The following CFAP61 variants were observed in gnomAD, a reference collection of about 807,000 sequenced individuals.
The protein encoded by CFAP61 is cilia and flagella associated protein 61.
Under a neutral mutation model 135.6 loss-of-function variants are expected in CFAP61, and 107 were observed. The observed-to-expected ratio is 0.79, with a 90% CI of 0.67 to 0.93. The LOEUF is 0.93. CFAP61 is among the 40% of genes least tolerant of loss of function. CFAP61 has a pLI of 0.00. For missense variants in CFAP61, 1,507 were observed against 1,556.2 expected (o/e 0.97, Z 0.53); for synonymous variants, 575 against 578.5 (o/e 0.99, Z 0.09).
intron 25 of CFAP61, among the ~76,000 whole-genome samples, chr20:20,334,782 C>A (rs1282844687): frequency 2.0e-5 from 3 of 152,110 alleles, no homozygotes; most frequent in South Asian, 2.1e-4. Context: ...TCAAAGCAAT[C>A]AAAAAATTGA....
chr20:20,275,487 C>T (rs997859041), intron 21 of CFAP61, among the ~76,000 whole-genome samples: 14 of 152,178 alleles, frequency 9.2e-5, no homozygotes, highest in African/African-American at 2.9e-4. Flanking sequence ...TGAAAAGTAT[C>T]GTCCTCTCCA....
intron 25 of CFAP61, among the ~76,000 whole-genome samples, chr20:20,308,674 T>C (rs1370812938): frequency 6.6e-6 from 1 of 152,182 alleles, no homozygotes; most frequent in Non-Finnish European, 1.5e-5. Context: ...ACATACTGTC[T>C]TGTTGTCAGA....
chr20:20,129,927 ATTG>A (rs1277786981), intron 8 of CFAP61, among the ~76,000 whole-genome samples: 3 of 151,550 alleles, frequency 2.0e-5, no homozygotes, highest in African/African-American at 7.3e-5. Flanking sequence ...GATTTTTTAA[ATTG>A]TTATTTCAAT....
chr20:20,157,992 C>G (rs1475806259), intron 9 of CFAP61, among the ~76,000 whole-genome samples: 1 of 149,966 alleles, frequency 6.7e-6, no homozygotes, highest in African/African-American at 2.5e-5. Flanking sequence ...ATCGCAAGAA[C>G]AAAAAACCAA....
At chr20:20,197,357 A>T (rs192108475) in intron 16 of CFAP61, among the ~76,000 whole-genome samples, 1 of 152,184 alleles carries the variant, frequency 6.6e-6, no homozygotes, top group African/African-American at 2.4e-5. Flanking sequence ...CATGGTGTGT[A>T]TGTGCATGCA....
intron 25 of CFAP61, among the ~76,000 whole-genome samples, chr20:20,329,735 AC>A (rs2057911069): frequency 6.6e-6 from 1 of 151,722 alleles, no homozygotes; most frequent in African/African-American, 2.4e-5. Flanking sequence ...CAGTCAAACC[AC>A]CTGTCATTCC....
rs144151636 is a variant in CFAP61 at position 20,195,631 on chromosome 20, C to A, written c.1591-939C>A. Among the ~76,000 whole-genome samples the A allele has an allele frequency of 3.3e-5, 5 of 152,278 alleles. No individual in the cohort carries two copies. In the East Asian group the frequency reaches 9.7e-4, roughly 29 times the overall value. On this transcript the variant is annotated intron_variant, in intron 15 of 26. Transcript: ENST00000245957. The stretch of plus-strand genomic sequence containing the variant: ...GAAACGAGCAGTGTGCCTGATATTT[C>A]CTTTACATGGGAAGACACTCATCAG...
At chr20:20,356,139 A>AGGAGGTGGTCACACTGAGG (rs2059144605) in intron 26 of CFAP61, among the ~76,000 whole-genome samples, 2 of 58,698 alleles carry the variant, frequency 3.4e-5, no homozygotes, top group African/African-American at 1.2e-4. Flanking sequence ...TCACACTGAG[A>AGGAGGTGGTCACACTGAGG]GGAGGTGGTC....
At chr20:20,193,707 G>A (rs1366353654) in intron 15 of CFAP61, among the ~76,000 whole-genome samples, 8 of 151,978 alleles carry the variant, frequency 5.3e-5, no homozygotes, top group Non-Finnish European at 8.8e-5. Flanking sequence ...TCTGCCTCCC[G>A]GGTTCAAGCG....
intron 2 of CFAP61, among the ~76,000 whole-genome samples, chr20:20,057,231 C>T (rs2044427232): frequency 6.6e-6 from 1 of 151,692 alleles, no homozygotes; most frequent in Admixed American, 6.6e-5. Flanking sequence ...TAGCTTACTG[C>T]ACAGTGAAAA....
In CFAP61 at chr20:20,343,207, C is replaced by T. The variant is rs575309812; in HGVS notation, c.3513+1286C>T. ...ATGGTAACACAGCAAGCTTCACACTCCGGGGTGTCTCACCCCAAAGCTGGG... is the reference window on the plus strand; with the variant it reads ...ATGGTAACACAGCAAGCTTCACACTTCGGGGTGTCTCACCCCAAAGCTGGG... On this transcript the variant is annotated intron_variant, in intron 26 of 26. Transcript: ENST00000245957. Among the ~76,000 whole-genome samples the T allele has an allele frequency of 4.6e-5, 7 of 152,334 alleles. No homozygotes were observed. The South Asian group carries it at 1.5e-3, about 32-fold the overall frequency.
intron 19 of CFAP61, among the ~76,000 whole-genome samples, chr20:20,249,983 A>T (rs993155311): frequency 6.6e-6 from 1 of 152,182 alleles, no homozygotes; most frequent in African/African-American, 2.4e-5. Context: ...ATTTCCTCTC[A>T]CTATCCATTA....
chr20:20,063,680 C>T lies in CFAP61; in HGVS notation c.143+6884C>T, dbSNP rs1050991761. On this transcript the variant is annotated intron_variant, in intron 2 of 26. Transcript: ENST00000245957. ...TATAGTAAATGAGGATGCCTGTTGT[C>T]ATGAGATCCTAGCTATTGCAGTAAG... Among the ~76,000 whole-genome samples, 5 of 152,128 alleles carry T rather than the reference C, an allele frequency of 3.3e-5. No homozygotes were observed. In the South Asian group the frequency reaches 6.2e-4, roughly 19 times the overall value.
intron 25 of CFAP61, among the ~76,000 whole-genome samples, chr20:20,334,780 A>G (rs977579295): frequency 6.6e-6 from 1 of 152,220 alleles, no homozygotes; most frequent in Admixed American, 6.5e-5. Flanking sequence ...CCTCAAAGCA[A>G]TCAAAAAATT....
intron 26 of CFAP61, among the ~76,000 whole-genome samples, chr20:20,357,772 C>G (rs1247198943): frequency 1.3e-4 from 2 of 15,058 alleles, no homozygotes; most frequent in African/African-American, 2.7e-4. Context: ...GGTGGTCACA[C>G]TGAGGGGAGG....
intron 25 of CFAP61, among the ~76,000 whole-genome samples, chr20:20,328,069 C>T (rs1226268336): frequency 6.6e-6 from 1 of 152,160 alleles, no homozygotes; most frequent in African/African-American, 2.4e-5. Flanking sequence ...AGTGCTGCTT[C>T]GCTTTGATAA....
intron 8 of CFAP61, among the ~76,000 whole-genome samples, chr20:20,135,333 CTAAG>C (rs1266736031): frequency 6.6e-6 from 1 of 152,088 alleles, no homozygotes; most frequent in African/African-American, 2.4e-5. Flanking sequence ...TTTTAAGCCA[CTAAG>C]TGAGTGGTAA....
At chr20:20,301,123 T>C (rs537785426) in intron 25 of CFAP61, among the ~76,000 whole-genome samples, 1 of 152,180 alleles carries the variant, frequency 6.6e-6, no homozygotes, top group Non-Finnish European at 1.5e-5. Context: ...TCGCACCCAC[T>C]CACCACTAGC....
chr20:20,231,356 G>A (rs1373023139), intron 18 of CFAP61, among the ~76,000 whole-genome samples: 1 of 152,134 alleles, frequency 6.6e-6, no homozygotes, highest in Non-Finnish European at 1.5e-5. Context: ...CTCCAGCACC[G>A]GGAGACATGC....
Sources: gnomAD v4.1 joint callset for allele counts (sites outside exome capture counted in the v4.1 genomes callset) on GRCh38, gnomAD v4.1.1 for gene constraint, MANE v1.5 for transcripts, NCBI Gene and HGNC (gene_info 2026-07-23, HGNC 2026-07-21) for gene names.